GLIS3: variants seen among roughly 807,000 people sequenced by gnomAD.
The protein encoded by GLIS3 is zinc finger protein GLIS3.
In GLIS3, 53 loss-of-function variants were observed where a neutral mutation model predicts 78.6. That is an observed-to-expected ratio of 0.67 (90% CI 0.54 to 0.85). GLIS3 has a LOEUF of 0.85. GLIS3 is among the 40% of genes least tolerant of loss of function. The pLI is 0.00. For synonymous variants in GLIS3, 684 were observed against 509.9 expected (o/e 1.34, Z -4.60); for missense variants, 1,703 against 1,231.1 (o/e 1.38, Z -5.74).
rs370942192 is a variant in GLIS3, at chr9:3,915,157, T to A, written c.1984-16322A>T. 1.8e-4 allele frequency among the ~76,000 whole-genome samples: 27 copies of A among 152,266 alleles called. 2 individuals are homozygous for A. The highest frequency in any genetic ancestry group is 6.5e-4 in the African/African-American group (27 of 41,564). On this transcript the variant is annotated intron_variant, in intron 6 of 10. Coordinates refer to ENST00000381971, the MANE Select transcript of GLIS3 (RefSeq NM_001042413.2). ...GGACTAGACTCTCCTAGAGCCTTCC[T>A]ATAGCCTGTATAGACTCTGCCAAAG...
chr9:4,275,157 G>A (rs908266606), intron 2 of GLIS3, among the ~76,000 whole-genome samples: 11 of 152,080 alleles, frequency 7.2e-5, no homozygotes, highest in African/African-American at 9.7e-5. Context: ...TGCATATACC[G>A]ATGTCACTCA....
chr9:4,273,222 T>C (rs530480485), intron 2 of GLIS3, among the ~76,000 whole-genome samples: 1 of 151,108 alleles, frequency 6.6e-6, no homozygotes, highest in East Asian at 1.9e-4. Flanking sequence ...CAGTGGTTTA[T>C]AGAGATCTAT....
intron 4 of GLIS3, among the ~76,000 whole-genome samples, chr9:3,963,962 A>G (rs923135829): frequency 4.6e-5 from 7 of 152,182 alleles, no homozygotes; most frequent in Non-Finnish European, 8.8e-5. Flanking sequence ...CACTTTTTCC[A>G]ATCTGTGATG....
At chr9:4,198,467 A>G (rs1000094151) in intron 2 of GLIS3, among the ~76,000 whole-genome samples, 3 of 152,214 alleles carry the variant, frequency 2.0e-5, no homozygotes, top group African/African-American at 7.2e-5. Flanking sequence ...TTCAGAGCTT[A>G]AAAACCAGTC....
chr9:4,018,964 T>A (rs531450360), intron 4 of GLIS3, among the ~76,000 whole-genome samples: 2 of 152,266 alleles, frequency 1.3e-5, no homozygotes, highest in East Asian at 1.9e-4. Context: ...CCCCTCTGGG[T>A]CTCGAAGTCC....
chr9:3,933,933 G>A (rs921148624), intron 5 of GLIS3, among the ~76,000 whole-genome samples: 3 of 152,128 alleles, frequency 2.0e-5, no homozygotes, highest in Non-Finnish European at 2.9e-5. Flanking sequence ...TTCTATGTTT[G>A]ATTATCTGCT....
At chr9:4,041,581 AC>A in intron 4 of GLIS3, among the ~76,000 whole-genome samples, 1 of 152,216 alleles carries the variant, frequency 6.6e-6, no homozygotes, top group East Asian at 1.9e-4. Context: ...TGTTCATAAA[AC>A]GGTGCTTCGT....
chr9:4,258,828 C>T (rs1825231462), intron 2 of GLIS3, among the ~76,000 whole-genome samples: 1 of 152,192 alleles, frequency 6.6e-6, no homozygotes. Context: ...CCCAGCAGGA[C>T]ATTACTTGCA....
At chr9:4,457,360 C>CAA in the GLIS3 span, among the ~76,000 whole-genome samples, 45 of 125,712 alleles carry the variant, frequency 3.6e-4, 1 homozygote, top group Middle Eastern at 0.026. Context: ...GACCTTGTCT[C>CAA]AAAAAAAAAA....
At chr9:4,383,731 T>A in the GLIS3 span, among the ~76,000 whole-genome samples, 1 of 152,342 alleles carries the variant, frequency 6.6e-6, no homozygotes, top group Middle Eastern at 3.4e-3. Context: ...ATCATCTCCA[T>A]TTGAACATTT....
At chr9:4,231,150 A>C (rs919344378) in intron 2 of GLIS3, among the ~76,000 whole-genome samples, 1 of 152,212 alleles carries the variant, frequency 6.6e-6, no homozygotes, top group Non-Finnish European at 1.5e-5. Flanking sequence ...AACAATTATA[A>C]ATTTATGAAA....
In GLIS3 at chr9:3,865,273, C is replaced by T. The variant is rs148376633; in HGVS notation, c.2298-9089G>A. 1.5e-4 allele frequency among the ~76,000 whole-genome samples: 23 copies of T among 152,328 alleles called. No individual in the cohort carries two copies. In the East Asian group the frequency reaches 4.4e-3, roughly 29 times the overall value. On this transcript the variant is annotated intron_variant, in intron 8 of 10. Transcript: ENST00000381971. ...CTCCTTACCAGCAATCAACACAGTT[C>T]TTCACGTGCAGAAAGATAATCTCTT...
the GLIS3 span, among the ~76,000 whole-genome samples, chr9:4,433,281 G>T: frequency 6.6e-6 from 1 of 151,686 alleles, no homozygotes; most frequent in Admixed American, 6.6e-5. Context: ...AAAATACAAA[G>T]ATTAGCTGGG....
intron 4 of GLIS3, among the ~76,000 whole-genome samples, chr9:3,981,076 G>A (rs627947): frequency 0.56 from 85,053 of 151,968 alleles, 26,742 homozygotes; most frequent in African/African-American, 0.87. Context: ...GAGAGGAGGG[G>A]GTCAGCAGAT....
chr9:4,466,469 G>A, the GLIS3 span, among the ~76,000 whole-genome samples: 2 of 152,138 alleles, frequency 1.3e-5, no homozygotes, highest in African/African-American at 2.4e-5. Flanking sequence ...AATCCAAAAC[G>A]AGACAAAGGC....
chr9:3,856,168 G>C lies in GLIS3; in HGVS notation c.2314C>G (p.Pro772Ala). 1 of 1,613,998 alleles carries C rather than the reference G, an allele frequency of 6.2e-7. No homozygotes were observed. The highest frequency in any genetic ancestry group is 1.3e-5 in the African/African-American group (1 of 75,052). The stretch of plus-strand genomic sequence containing the variant: ...CGGGGGCTGATGTGGTGAGGAGATG[G>C]AGCAGAAGGTGCAAACCTGAGAAAA... Reference protein sequence around the residue: ...AGAERFAPSAPSPHHISPRRV... With the variant: ...AGAERFAPSAASPHHISPRRV... Residue 772 changes from proline (P) to alanine (A), a missense_variant, in exon 9 of 11, where the codon CCA (proline) becomes GCA (alanine). Pro to Ala is a conservative substitution (Grantham distance 27). Transcript: ENST00000381971.
At chr9:4,235,122 C>T (rs1001885505) in intron 2 of GLIS3, among the ~76,000 whole-genome samples, 1 of 152,014 alleles carries the variant, frequency 6.6e-6, no homozygotes, top group African/African-American at 2.4e-5. Context: ...CCCGGTGAAA[C>T]TCTGTCTCTA....
chr9:3,967,026 A>AAAAAAAAC (rs1463284870), intron 4 of GLIS3, among the ~76,000 whole-genome samples: 5 of 141,568 alleles, frequency 3.5e-5, no homozygotes, highest in Non-Finnish European at 3.0e-5. Context: ...AAAAAAAAAA[A>AAAAAAAAC]AAAAAAACAA....
At chr9:4,176,109 C>G (rs969474152) in intron 2 of GLIS3, among the ~76,000 whole-genome samples, 4 of 152,186 alleles carry the variant, frequency 2.6e-5, no homozygotes, top group African/African-American at 9.7e-5. Flanking sequence ...AAGGCAGGCT[C>G]TAGCCCCCTC....
Sources: allele counts gnomAD v4.1 joint callset (sites outside exome capture counted in the v4.1 genomes callset), GRCh38; gene constraint gnomAD v4.1.1; transcripts MANE v1.5; gene names NCBI Gene and HGNC (gene_info 2026-07-23, HGNC 2026-07-21).